NEDD9: variants seen among roughly 807,000 people sequenced by gnomAD.
The protein encoded by NEDD9 is neural precursor cell expressed, developmentally down-regulated 9.
A neutral mutation model predicts 76.6 loss-of-function variants in NEDD9; 26 were observed. The ratio of observed to expected loss-of-function variants is 0.34; its 90% CI spans 0.25 to 0.47. The LOEUF (loss-of-function observed/expected upper bound fraction) is 0.47, where lower values mean the gene tolerates loss of function less well. Among genes scored for constraint, NEDD9 ranks in the 20% least tolerant of loss-of-function variants. The pLI, the probability that NEDD9 is intolerant of heterozygous loss-of-function variation, is 1.00. For missense variants in NEDD9, 937 were observed against 1,058.5 expected (o/e 0.89, Z 1.59); for synonymous variants, 392 against 414.2 (o/e 0.95, Z 0.65).
chr6:11,187,810 G>C (rs1459103726), intron 6 of NEDD9, among the ~76,000 whole-genome samples: 1 of 152,190 alleles, frequency 6.6e-6, no homozygotes, highest in African/African-American at 2.4e-5. Context: ...ACTACAAGAA[G>C]GAGAGATAAT....
intron 1 of NEDD9, among the ~76,000 whole-genome samples, chr6:11,227,931 C>A (rs189285157): frequency 2.0e-5 from 3 of 152,108 alleles, no homozygotes; most frequent in African/African-American, 7.2e-5. Context: ...TGACAGGCCA[C>A]TCAAGTCATG....
chr6:11,236,793 C>T (rs530497319), upstream of NEDD9, among the ~76,000 whole-genome samples: 36 of 152,296 alleles, frequency 2.4e-4, no homozygotes, highest in African/African-American at 4.3e-4. This position sits in a 1 kb window ranked among gnomAD's most constrained non-coding sequence, Gnocchi z 5.5. Context: ...AATACAGAGT[C>T]GATCACATTA....
Position 11,243,974 on chromosome 6 carries a change from G to A in NEDD9, c.13-30247C>T, listed in dbSNP as rs369727997. Among the ~76,000 whole-genome samples, 336 of 152,272 alleles carry A rather than the reference G, an allele frequency of 2.2e-3. 14 individuals carry two copies. In the South Asian group the frequency reaches 0.066, roughly 30 times the overall value. ...TATTTGATCAAACACTAGTCTAGAC[G>A]TTGCTGTGAAGGTGTTTTAAAGAGG... On this transcript the variant is annotated intron_variant, in intron 3 of 3. Coordinates refer to the NEDD9 transcript ENST00000397378.
Position 11,252,826 on chromosome 6 carries a change from A to G in NEDD9, c.13-39099T>C, listed in dbSNP as rs12214344. ...GCCTAACTATTCTAAGAAAATACAT[A>G]CTTTACATATTCTAAAAATAAATAA... On this transcript the variant is annotated intron_variant, in intron 3 of 3. Transcript: ENST00000397378. This position sits in a 1 kb window ranked among gnomAD's most constrained non-coding sequence, Gnocchi z 4.3. Among the ~76,000 whole-genome samples, 19,769 of 152,222 alleles carry G rather than the reference A, an allele frequency of 0.13. 1,531 individuals carry two copies. The highest frequency in any genetic ancestry group is 0.21 in the Middle Eastern group (63 of 294).
At chr6:11,309,742 C>G (rs1462061122) in intron 2 of NEDD9, among the ~76,000 whole-genome samples, 1 of 152,054 alleles carries the variant, frequency 6.6e-6, no homozygotes, top group Non-Finnish European at 1.5e-5. Flanking sequence ...TTTTCTTCTC[C>G]TTTATTTGTA....
chr6:11,232,518 C>A lies in NEDD9; in HGVS notation c.-3G>T. The A allele has an allele frequency of 3.1e-6, 5 of 1,614,220 alleles. No homozygotes were observed. In the East Asian group the frequency reaches 8.9e-5, roughly 29 times the overall value. On this transcript the variant is annotated 5_prime_UTR_variant, in exon 1 of 7. Transcript: ENST00000379446. ...CACTCTCTTACCTTATACTTCATTT[C>A]GGCAGCGGTGGGTTGAGCCGTTTTC...
chr6:11,325,792 T>G (rs908445047), intron 2 of NEDD9, among the ~76,000 whole-genome samples: 1 of 152,220 alleles, frequency 6.6e-6, no homozygotes, highest in Non-Finnish European at 1.5e-5. Context: ...GCAAAGTTCC[T>G]TACATTAAAA....
At chr6:11,361,549 G>A (rs1561847658) in intron 1 of NEDD9, among the ~76,000 whole-genome samples, 1 of 151,974 alleles carries the variant, frequency 6.6e-6, no homozygotes, top group Non-Finnish European at 1.5e-5. Flanking sequence ...AAGCCATGAG[G>A]GATGCACCAC....
exon 3 of NEDD9, chr6:11,306,015 G>C: frequency 6.2e-7 from 1 of 1,613,870 alleles, no homozygotes; most frequent in Non-Finnish European, 8.5e-7. Context: ...TTGCCCCAAG[G>C]AATGATGCAG....
At chr6:11,358,105 G>A (rs1286857972) in intron 1 of NEDD9, among the ~76,000 whole-genome samples, 9 of 152,030 alleles carry the variant, frequency 5.9e-5, no homozygotes, top group South Asian at 2.1e-4. Context: ...AAAATTAGCC[G>A]GGCGTGCGTG....
rs372184121 is a variant in NEDD9, at chr6:11,230,244, A to C, written c.12+2260T>G. On this transcript the variant is annotated intron_variant, in intron 1 of 6. Transcript: ENST00000379446. ...AAATAGTCTTAAACTTTCTGGGAGA[A>C]GAAAACACTGGCCATATTTTAGAGA... is the stretch of plus-strand genomic sequence containing the variant. 1.1e-4 allele frequency among the ~76,000 whole-genome samples: 16 copies of C among 152,380 alleles called. 1 individual carries two copies. The highest frequency in any genetic ancestry group is 3.8e-4 in the African/African-American group (16 of 41,596).
intron 1 of NEDD9, among the ~76,000 whole-genome samples, chr6:11,369,244 A>G (rs1762817628): frequency 1.3e-5 from 2 of 152,210 alleles, no homozygotes; most frequent in African/African-American, 4.8e-5. Context: ...CTTAGAGAGT[A>G]TGCCATGACT....
chr6:11,307,452 C>T (rs1761221494), intron 2 of NEDD9, among the ~76,000 whole-genome samples: 2 of 152,122 alleles, frequency 1.3e-5, no homozygotes, highest in African/African-American at 4.8e-5. Flanking sequence ...GTGTCTTGGC[C>T]CCACACAGGA....
At position 11,189,967 on chromosome 6, in the gene NEDD9, T is replaced by A; in HGVS notation, c.1902A>T (p.Leu634=). The stretch of plus-strand genomic sequence containing the variant: ...TTTATGAGTTCCGCTGTTTTACCTG[T>A]AGGTGGACGTAATCGTAGTCATCCA... ...SWMDDYDYVH[L]QGKEEFERQQ... Residue 634 remains leucine, a synonymous_variant, in exon 5 of 7, where the codon CTA becomes CTT. Transcript: ENST00000379446. 6.6e-7 allele frequency: 1 copy of A among 1,515,656 alleles called. No individual in the cohort carries two copies. The highest frequency in any genetic ancestry group is 8.8e-7 in the Non-Finnish European group (1 of 1,133,218). The allele number at this position is 1,515,656 out of a possible 1,614,324, so 93.9% of individuals were successfully genotyped here. A position where few individuals can be genotyped will look rare whatever the true frequency, so the allele number is the denominator to read the frequency against.
rs753068710 is a variant in NEDD9 at position 11,185,531 on chromosome 6, A to G, written c.2136T>C (p.Tyr712=). 77 of 1,614,134 alleles carry G rather than the reference A, an allele frequency of 4.8e-5. No individual in the cohort carries two copies. Among genetic ancestry groups the G allele is most frequent in the Non-Finnish European group, 6.3e-5 (74 of 1,180,056 alleles). ...AAATGAAATGGGTCTCACATTGGTCATAGTAGAAGCACAGCAACTGCCGAT... is the reference window on the plus strand; with the variant it reads ...AAATGAAATGGGTCTCACATTGGTCGTAGTAGAAGCACAGCAACTGCCGAT... ...AQDRQLLCFY[Y]DQCETHFISL... Residue 712 remains tyrosine, a synonymous_variant, in exon 7 of 7, where the codon TAT becomes TAC. Transcript: ENST00000379446.
At chr6:11,332,877 T>C (rs992739309) in intron 2 of NEDD9, among the ~76,000 whole-genome samples, 6 of 152,188 alleles carry the variant, frequency 3.9e-5, no homozygotes, top group Non-Finnish European at 2.9e-5. Context: ...CCACACTCCA[T>C]GTTTTCTCTT....
rs763372094 is a variant in NEDD9, at chr6:11,318,256, A to G, written c.-152-12101T>C. Among the ~76,000 whole-genome samples, 62 of 152,192 alleles carry G rather than the reference A, an allele frequency of 4.1e-4. 1 individual carries two copies. Among genetic ancestry groups the G allele is most frequent in the Non-Finnish European group, 6.9e-4 (47 of 68,036 alleles). Reference sequence around the variant, plus strand: ...ATGATCACATGAGCCAAGTTCTTACAAGAAATCACTTTCTAAATATATATG... The same window carrying G: ...ATGATCACATGAGCCAAGTTCTTACGAGAAATCACTTTCTAAATATATATG... On this transcript the variant is annotated intron_variant, in intron 2 of 3. Coordinates refer to the NEDD9 transcript ENST00000397378.
chr6:11,348,114 A>C (rs1762397996), intron 1 of NEDD9, among the ~76,000 whole-genome samples: 1 of 152,234 alleles, frequency 6.6e-6, no homozygotes, highest in Non-Finnish European at 1.5e-5. Flanking sequence ...ATTGATGTAC[A>C]AAAATTACGA....
intron 3 of NEDD9, among the ~76,000 whole-genome samples, chr6:11,272,594 T>C (rs1449074058): frequency 2.0e-5 from 3 of 152,228 alleles, no homozygotes; most frequent in Non-Finnish European, 4.4e-5. Flanking sequence ...GGGAAAATTC[T>C]CGTTTTGCAC....
Sources: allele counts gnomAD v4.1 joint callset (sites outside exome capture counted in the v4.1 genomes callset), GRCh38; gene constraint gnomAD v4.1.1; non-coding constraint Gnocchi (gnomAD v3.1); transcripts MANE v1.5; gene names NCBI Gene and HGNC (gene_info 2026-07-23, HGNC 2026-07-21).